The following CDKL2 variants were observed in gnomAD, a reference collection of about 807,000 sequenced individuals.
The protein encoded by CDKL2 is cyclin dependent kinase like 2.
A neutral mutation model predicts 63.9 loss-of-function variants in CDKL2; 64 were observed. That is an observed-to-expected ratio of 1.00 (90% confidence interval 0.82 to 1.23). The LOEUF is 1.23. CDKL2 is among the 50% of genes most tolerant of loss of function. The pLI is 0.00. For missense variants in CDKL2, 656 were observed against 668.0 expected (o/e 0.98, Z 0.20); for synonymous variants, 211 against 229.2 (o/e 0.92, Z 0.72).
At chr4:75,588,031 A>G (rs1265171146) in intron 12 of CDKL2, among the ~76,000 whole-genome samples, 1 of 151,694 alleles carries the variant, frequency 6.6e-6, no homozygotes, top group Non-Finnish European at 1.5e-5. Context: ...CCTGACCAAC[A>G]TGGAGAAACA....
rs534680706 is a variant in CDKL2 at position 75,581,720 on chromosome 4, C to T, written c.*23+90G>A. 2.9e-4 allele frequency: 186 copies of T among 638,260 alleles called. 1 individual carries two copies. Among genetic ancestry groups the T allele is most frequent in the African/African-American group, 1.6e-3 (87 of 55,454 alleles). 39.5% of individuals were successfully genotyped at this position (638,260 alleles called of 1,614,324 possible). On this transcript the variant is annotated intron_variant, in intron 13 of 13. Transcript: ENST00000307465. ...TTCTCATGGAATCAATCACTGGAGACGGTTTCAGCTGAAAAATTGGTATTC... is the reference window on the plus strand; with the variant it reads ...TTCTCATGGAATCAATCACTGGAGATGGTTTCAGCTGAAAAATTGGTATTC...
At chr4:75,596,901 A>G in intron 9 of CDKL2, 34 bp downstream of exon 9, 1 of 1,559,118 alleles carries the variant, frequency 6.4e-7, no homozygotes, top group Non-Finnish European at 8.7e-7. Flanking sequence ...TATGTCCTTA[A>G]ACACTTTTTT....
chr4:75,610,563 T>TA (rs1020839348), intron 3 of CDKL2, among the ~76,000 whole-genome samples: 26 of 152,054 alleles, frequency 1.7e-4, no homozygotes, highest in East Asian at 1.9e-4. Context: ...GTAATTTCAG[T>TA]AAAAAAAGTC....
chr4:75,600,431 A>T, intron 6 of CDKL2, 62 bp from the exon 7 acceptor site: 1 of 1,068,336 alleles, frequency 9.4e-7, no homozygotes. Flanking sequence ...TAAATTTATA[A>T]ATATAGAAAA....
chr4:75,606,971 C>T (rs1560585192), intron 4 of CDKL2, among the ~76,000 whole-genome samples: 1 of 152,174 alleles, frequency 6.6e-6, no homozygotes, highest in Non-Finnish European at 1.5e-5. Flanking sequence ...AAATAGACCA[C>T]TTAATTTCCC....
At chr4:75,593,242 T>A (rs892807403) in intron 10 of CDKL2, among the ~76,000 whole-genome samples, 12 of 151,950 alleles carry the variant, frequency 7.9e-5, no homozygotes, top group Non-Finnish European at 1.2e-4. Context: ...GAAAACTATA[T>A]GCAAGTACAA....
intron 3 of CDKL2, among the ~76,000 whole-genome samples, chr4:75,608,977 G>C (rs975806352): frequency 2.8e-5 from 4 of 142,248 alleles, no homozygotes; most frequent in Non-Finnish European, 6.0e-5. Flanking sequence ...CTGGGCAACA[G>C]AGCGAGACTC....
At chr4:75,582,267 A>C (rs1332171891) in intron 12 of CDKL2, among the ~76,000 whole-genome samples, 1 of 152,234 alleles carries the variant, frequency 6.6e-6, no homozygotes, top group Non-Finnish European at 1.5e-5. Context: ...TAACTCTGCT[A>C]CATGAAGTAA....
At chr4:75,598,353 C>A in intron 7 of CDKL2, 141 bp from the exon 8 acceptor site, 1 of 462,964 alleles carries the variant, frequency 2.2e-6, no homozygotes, top group Non-Finnish European at 3.7e-6. Flanking sequence ...TGGCCTAGAT[C>A]AGCAGTTTGG....
At chr4:75,626,705 A>G (rs577968669) in intron 1 of CDKL2, among the ~76,000 whole-genome samples, 1 of 149,412 alleles carries the variant, frequency 6.7e-6, no homozygotes, top group African/African-American at 2.5e-5. Flanking sequence ...CCTGGGCAAC[A>G]TACTGAGACT....
chr4:75,609,533 A>C (rs1224556734), intron 3 of CDKL2, among the ~76,000 whole-genome samples: 1 of 151,096 alleles, frequency 6.6e-6, no homozygotes, highest in Admixed American at 6.6e-5. Flanking sequence ...TGAACCTAGG[A>C]GGGGGAAGGT....
At chr4:75,596,880 C>A in intron 9 of CDKL2, 55 bp downstream of exon 9, 1 of 1,426,226 alleles carries the variant, frequency 7.0e-7, no homozygotes, top group Non-Finnish European at 9.7e-7. Context: ...CAAACCCTTG[C>A]AATTTGCAAA....
At position 75,612,132 on chromosome 4, in the gene CDKL2, G is replaced by A. The variant is rs151224963; in HGVS notation, c.363+2123C>T. ...ATTACAGGTGCCTGCCACCATGCCC[G>A]GCTAATTTTTTTATATTTTTAGTAG... On this transcript the variant is annotated intron_variant, in intron 3 of 13. Coordinates refer to ENST00000307465, the MANE Select transcript of CDKL2 (RefSeq NM_001330724.2). Among the ~76,000 whole-genome samples, 474 of 151,206 alleles carry A rather than the reference G, an allele frequency of 3.1e-3. 2 individuals are homozygous for A. The highest frequency in any genetic ancestry group is 0.01 in the African/African-American group (414 of 41,182).
rs543299433 is a variant in CDKL2, at chr4:75,580,036, C to T, written c.*24-858G>A. Among the ~76,000 whole-genome samples the T allele has an allele frequency of 1.5e-4, 23 of 152,274 alleles. 1 individual carries two copies. In the South Asian group the frequency reaches 4.6e-3, roughly 30 times the overall value. The stretch of plus-strand genomic sequence containing the variant: ...ACTGTAATCCCAGCACTTTGTGAGG[C>T]CAAGGTGGGCAGATCACCTGAGGTC... On this transcript the variant is annotated intron_variant, in intron 13 of 13. Transcript: ENST00000307465.
intron 12 of CDKL2, among the ~76,000 whole-genome samples, chr4:75,585,215 T>A (rs1728424034): frequency 6.6e-6 from 1 of 152,140 alleles, no homozygotes; most frequent in Non-Finnish European, 1.5e-5. Flanking sequence ...CATTTCATAA[T>A]GAGAAAAGGT....
chr4:75,595,796 G>T (rs1199504323), intron 10 of CDKL2, among the ~76,000 whole-genome samples: 2 of 152,000 alleles, frequency 1.3e-5, no homozygotes, highest in East Asian at 3.9e-4. Context: ...GGGTGCGGTG[G>T]CAGGCACCTG....
At chr4:75,580,862 G>A (rs1006408201) in intron 13 of CDKL2, among the ~76,000 whole-genome samples, 5 of 150,668 alleles carry the variant, frequency 3.3e-5, no homozygotes, top group Non-Finnish European at 5.9e-5. Flanking sequence ...TACCACACCC[G>A]GCTAATTTTT....
chr4:75,628,537 G>GA (rs1206636477), intron 1 of CDKL2, among the ~76,000 whole-genome samples: 1 of 151,960 alleles, frequency 6.6e-6, no homozygotes, highest in African/African-American at 2.4e-5. Flanking sequence ...CTTTCGTACA[G>GA]AAAAAAATTA....
chr4:75,614,474 C>T (rs1729842807), intron 2 of CDKL2, 25 bp from the exon 3 acceptor site: 4 of 1,468,744 alleles, frequency 2.7e-6, no homozygotes, highest in East Asian at 4.6e-5. Flanking sequence ...TGCAAAATAG[C>T]TGTTATTTAA....
Sources: gnomAD v4.1 joint callset for allele counts (sites outside exome capture counted in the v4.1 genomes callset) on GRCh38, gnomAD v4.1.1 for gene constraint, MANE v1.5 for transcripts, NCBI Gene and HGNC (gene_info 2026-07-23, HGNC 2026-07-21) for gene names.